Variants in EIF2AK1 observed in about 807,000 individuals in gnomAD.
EIF2AK1 encodes eukaryotic translation initiation factor 2 alpha kinase 1.
In EIF2AK1, 54 loss-of-function variants were observed where a neutral mutation model predicts 77.9. The ratio of observed to expected loss-of-function variants is 0.69; its 90% CI spans 0.56 to 0.87. The LOEUF is 0.87. Among genes scored for constraint, EIF2AK1 ranks in the 40% least tolerant of loss-of-function variants. EIF2AK1 has a pLI of 0.00. For synonymous variants in EIF2AK1, 314 were observed against 290.5 expected (o/e 1.08, Z -0.82); for missense variants, 810 against 768.6 (o/e 1.05, Z -0.64).
At chr7:6,042,873 A>T in intron 8 of EIF2AK1, 60 bp downstream of exon 8, 1 of 1,488,250 alleles carries the variant, frequency 6.7e-7, no homozygotes, top group Non-Finnish European at 9.3e-7. Context: ...CGCCAAAAAA[A>T]AGAACAAAAG....
intron 2 of EIF2AK1, among the ~76,000 whole-genome samples, chr7:6,052,734 G>A (rs686680): frequency 0.35 from 52,768 of 150,762 alleles, 10,106 homozygotes; most frequent in Middle Eastern, 0.46. Context: ...ACTGAAGGCC[G>A]AGGCGGGTGG....
intron 7 of EIF2AK1, among the ~76,000 whole-genome samples, chr7:6,043,959 C>CTTTT (rs1562752786): frequency 4.0e-5 from 6 of 151,238 alleles, no homozygotes; most frequent in African/African-American, 1.5e-4. Context: ...ATTAGCCAGG[C>CTTTT]GTGGCGGCAC....
chr7:6,038,161 C>T (rs758228879), intron 10 of EIF2AK1, among the ~76,000 whole-genome samples: 9 of 152,072 alleles, frequency 5.9e-5, no homozygotes, highest in South Asian at 2.1e-4. Flanking sequence ...CAGGTGCAGA[C>T]GCTCACGCCT....
chr7:6,055,353 A>AAG (rs1788720494), intron 1 of EIF2AK1, among the ~76,000 whole-genome samples: 1 of 151,472 alleles, frequency 6.6e-6, no homozygotes, highest in South Asian at 2.1e-4. Context: ...AAAAAAAAAA[A>AAG]AAAAAAAAAA....
At chr7:6,031,503 C>T (rs1490266049) in intron 11 of EIF2AK1, 26 of 1,550,560 alleles carry the variant, frequency 1.7e-5, no homozygotes, top group South Asian at 5.9e-5. Flanking sequence ...GACTGCACTA[C>T]GATCGAGGTA....
intron 4 of EIF2AK1, 45 bp from the exon 5 acceptor site, chr7:6,047,136 C>A: frequency 6.5e-7 from 1 of 1,548,434 alleles, no homozygotes; most frequent in South Asian, 1.1e-5. Context: ...ATGAGAGAAT[C>A]AAAATGTTCT....
At chr7:6,026,073 C>A (rs1426742732) in intron 14 of EIF2AK1, among the ~76,000 whole-genome samples, 3 of 152,154 alleles carry the variant, frequency 2.0e-5, no homozygotes, top group African/African-American at 4.8e-5. Flanking sequence ...CCTGCCTCTC[C>A]CCGGTGGTCC....
chr7:6,039,607 C>A (rs1231330765), intron 9 of EIF2AK1, among the ~76,000 whole-genome samples: 1 of 101,786 alleles, frequency 9.8e-6, no homozygotes, highest in African/African-American at 4.2e-5. Flanking sequence ...GGTGACAGAG[C>A]AAGACTCCAT....
At chr7:6,051,039 C>G in intron 2 of EIF2AK1, among the ~76,000 whole-genome samples, 1 of 152,102 alleles carries the variant, frequency 6.6e-6, no homozygotes, top group Non-Finnish European at 1.5e-5. Context: ...TTACCCTTTG[C>G]TGTTAGGCAG....
At position 6,035,907 on chromosome 7, in the gene EIF2AK1, T is replaced by A; in HGVS notation, c.1332+1517A>T. 2.6e-6 allele frequency: 4 copies of A among 1,546,662 alleles called. No individual in the cohort carries two copies. Among genetic ancestry groups the A allele is most frequent in the Non-Finnish European group, 3.5e-6 (4 of 1,144,502 alleles). On this transcript the variant is annotated intron_variant, in intron 11 of 14. Transcript: ENST00000199389. The surrounding 1 kb of genome is among the most constrained non-coding windows in gnomAD (Gnocchi z 5.5). ...CCGACTCCTCGGGGCGGGGGTCAGC[T>A]GCATCCGTCTGCTACTCACTCACGG...
intron 2 of EIF2AK1, among the ~76,000 whole-genome samples, chr7:6,050,989 C>CA (rs1174815575): frequency 3.3e-5 from 5 of 151,606 alleles, no homozygotes; most frequent in South Asian, 4.2e-4. Flanking sequence ...AAAGGGCAAA[C>CA]AAAAAAAAGA....
At chr7:6,058,185 G>A (rs1263768669) in intron 1 of EIF2AK1, 2 of 455,200 alleles carry the variant, frequency 4.4e-6, no homozygotes, top group African/African-American at 4.0e-5. Context: ...CGAGGCGGGA[G>A]AATCGCTTGA....
intron 11 of EIF2AK1, among the ~76,000 whole-genome samples, chr7:6,031,053 G>A (rs918557664): frequency 1.3e-5 from 2 of 152,126 alleles, no homozygotes; most frequent in African/African-American, 2.4e-5. Flanking sequence ...GTATTTTAAT[G>A]TATAAATTCC....
rs991697748 is a variant in EIF2AK1, at chr7:6,047,622, G to A, written c.450-531C>T. The A allele has an allele frequency of 9.1e-5, 15 of 165,114 alleles. No homozygotes were observed. In the South Asian group the frequency reaches 1.0e-3, roughly 11 times the overall value. 10.2% of individuals were successfully genotyped at this position (165,114 alleles called of 1,614,324 possible). On this transcript the variant is annotated intron_variant, in intron 4 of 14. Transcript: ENST00000199389. ...CAGGAGGCAGAGATTGCAGTGAGCC[G>A]AGATTATGCCACTGCACTCCAGCCT...
At chr7:6,052,826 C>A (rs1163052715) in intron 2 of EIF2AK1, among the ~76,000 whole-genome samples, 3 of 151,842 alleles carry the variant, frequency 2.0e-5, no homozygotes, top group Non-Finnish European at 4.4e-5. Flanking sequence ...ATTACCCGGG[C>A]ATGGTGGCAC....
rs1293647277 is a variant in EIF2AK1, at chr7:6,032,102, A to C, written c.1333-3070T>G. ...GGCAGGAGAATTGCTTGAACCCAGG[A>C]GGCAGAGGTTGCAGTGAGCCAAGAT... On this transcript the variant is annotated intron_variant, in intron 11 of 14. Transcript: ENST00000199389. The surrounding 1 kb of genome is among the most constrained non-coding windows in gnomAD (Gnocchi z 4.3). Among the ~76,000 whole-genome samples the C allele has an allele frequency of 6.6e-6, 1 of 152,158 alleles. No individual in the cohort carries two copies. Among genetic ancestry groups the C allele is most frequent in the African/African-American group, 2.4e-5 (1 of 41,430 alleles).
intron 11 of EIF2AK1, among the ~76,000 whole-genome samples, chr7:6,029,368 C>T (rs1013129971): frequency 6.6e-6 from 1 of 151,916 alleles, no homozygotes; most frequent in Non-Finnish European, 1.5e-5. Context: ...TGGCACGTGC[C>T]TGTAATCCCT....
intron 3 of EIF2AK1, 57 bp from the exon 4 acceptor site, chr7:6,048,901 A>G (rs146822034): frequency 1.5e-6 from 2 of 1,303,486 alleles, no homozygotes; most frequent in African/African-American, 3.0e-5. Context: ...GGAATAAAGA[A>G]CCTATCAAAA....
In EIF2AK1 at chr7:6,042,237, G is replaced by A. The variant is rs958392370; in HGVS notation, c.791+696C>T. Among the ~76,000 whole-genome samples, 8 of 151,308 alleles carry A rather than the reference G, an allele frequency of 5.3e-5. No homozygotes were observed. The East Asian group carries it at 1.6e-3, about 30-fold the overall frequency. On this transcript the variant is annotated intron_variant, in intron 8 of 14. Transcript: ENST00000199389. ...AGGCCAAGGCAGGCAGATCACCTGA[G>A]TTCAGGAGTTTGAGACCAGCCTGGC...
Sources: allele counts gnomAD v4.1 joint callset (sites outside exome capture counted in the v4.1 genomes callset), GRCh38; gene constraint gnomAD v4.1.1; non-coding constraint Gnocchi (gnomAD v3.1); transcripts MANE v1.5; gene names NCBI Gene and HGNC (gene_info 2026-07-23, HGNC 2026-07-21).